The following KIRREL3 variants were observed in gnomAD, a reference collection of about 807,000 sequenced individuals.
The protein encoded by KIRREL3 is kirre like nephrin family adhesion molecule 3, also known as kin of IRRE-like protein 3.
A neutral mutation model predicts 89.7 loss-of-function variants in KIRREL3; 36 were observed. That is an observed-to-expected ratio of 0.40 (90% CI 0.31 to 0.53). The LOEUF (loss-of-function observed/expected upper bound fraction) is 0.53. Ranked by LOEUF, KIRREL3 falls within the 20% of genes least tolerant of loss-of-function variation. KIRREL3 has a pLI of 0.49. For synonymous variants in KIRREL3, 445 were observed against 441.4 expected (o/e 1.01, Z -0.10); for missense variants, 864 against 1,056.6 (o/e 0.82, Z 2.53).
intron 1 of KIRREL3, among the ~76,000 whole-genome samples, chr11:126,787,236 TG>T (rs1950512481): frequency 6.6e-6 from 1 of 152,144 alleles, no homozygotes; most frequent in Admixed American, 6.6e-5. Flanking sequence ...TCTTCCCCTA[TG>T]GCACAAATTT....
At chr11:126,650,062 T>C (rs1449631812) in intron 1 of KIRREL3, among the ~76,000 whole-genome samples, 1 of 152,216 alleles carries the variant, frequency 6.6e-6, no homozygotes, top group Non-Finnish European at 1.5e-5. Flanking sequence ...CATGAAGCCA[T>C]GGCCTGAGCT....
chr11:126,863,395 G>GGGTGTT (rs1944772547), intron 1 of KIRREL3, among the ~76,000 whole-genome samples: 2 of 88,902 alleles, frequency 2.2e-5, no homozygotes, highest in East Asian at 4.3e-4. Context: ...GAGTGCGTGT[G>GGGTGTT]TGAGTGCGTG....
At position 126,703,881 on chromosome 11, in the gene KIRREL3, T is replaced by C. The variant is rs147265788; in HGVS notation, c.56-140969A>G. Among the ~76,000 whole-genome samples, 331 of 152,358 alleles carry C rather than the reference T, an allele frequency of 2.2e-3. No individual in the cohort carries two copies. The highest frequency in any genetic ancestry group is 3.9e-3 in the Non-Finnish European group (263 of 68,030). ...GCCATTAATCTCACTCAAGGGCCAG[T>C]GCTGGCAGCGGTTATGCTGGGGACA... On this transcript the variant is annotated intron_variant, in intron 1 of 16. Transcript: ENST00000525144. This position sits in a 1 kb window ranked among gnomAD's most constrained non-coding sequence, Gnocchi z 4.6.
At position 126,837,642 on chromosome 11, in the gene KIRREL3, C is replaced by T. The variant is rs1943825759; in HGVS notation, c.55+162813G>A. 6.6e-6 allele frequency among the ~76,000 whole-genome samples: 1 copy of T among 152,222 alleles called. No homozygotes were observed. The highest frequency in any genetic ancestry group is 2.4e-5 in the African/African-American group (1 of 41,462). ...GCAACACAGGGAATAATGACTCCAT[C>T]TCCTCTGAACTGAAGCATAGGTAGG... On this transcript the variant is annotated intron_variant, in intron 1 of 16. Coordinates refer to ENST00000525144, the MANE Select transcript of KIRREL3 (RefSeq NM_032531.4). The surrounding 1 kb of genome is among the most constrained non-coding windows in gnomAD (Gnocchi z 4.7).
intron 1 of KIRREL3, among the ~76,000 whole-genome samples, chr11:126,765,596 G>A (rs747006219): frequency 6.6e-6 from 1 of 152,142 alleles, no homozygotes; most frequent in Non-Finnish European, 1.5e-5. Flanking sequence ...ATTTAAGAAA[G>A]CCCCTTTCCT....
rs1954970557 is a variant in KIRREL3 at position 126,427,091 on chromosome 11, A to T, written c.1807-1367T>A. Among the ~76,000 whole-genome samples the T allele has an allele frequency of 6.6e-6, 1 of 152,164 alleles. No individual in the cohort carries two copies. Among genetic ancestry groups the T allele is most frequent in the Admixed American group, 6.5e-5 (1 of 15,278 alleles). ...GATTTGGACTAAGGGATGTGGAGAC[A>T]GTCTGAGGCAAACAGAATGTTTGCC... is the stretch of plus-strand genomic sequence containing the variant. On this transcript the variant is annotated intron_variant, in intron 15 of 16. Coordinates refer to ENST00000525144, the MANE Select transcript of KIRREL3 (RefSeq NM_032531.4). This position sits in a 1 kb window ranked among gnomAD's most constrained non-coding sequence, Gnocchi z 5.3.
In KIRREL3 at chr11:126,723,475, C is replaced by A. The variant is rs914934997; in HGVS notation, c.56-160563G>T. Among the ~76,000 whole-genome samples, 1 of 152,224 alleles carries A rather than the reference C, an allele frequency of 6.6e-6. No individual in the cohort carries two copies. Among genetic ancestry groups the A allele is most frequent in the African/African-American group, 2.4e-5 (1 of 41,454 alleles). ...TCTCCTCAGCCTCCAGACACACATGCTCTGTGGCATCATTAAGCAGCTGGT... is the reference window on the plus strand; with the variant it reads ...TCTCCTCAGCCTCCAGACACACATGATCTGTGGCATCATTAAGCAGCTGGT... On this transcript the variant is annotated intron_variant, in intron 1 of 16. Transcript: ENST00000525144. The surrounding 1 kb of genome is among the most constrained non-coding windows in gnomAD (Gnocchi z 4.0).
rs571414171 is a variant in KIRREL3 at position 126,544,036 on chromosome 11, C to T, written c.134-17349G>A. The T allele has an allele frequency of 1.3e-5, 2 of 152,610 alleles. No homozygotes were observed. The highest frequency in any genetic ancestry group is 1.9e-4 in the East Asian group (1 of 5,186). The allele number at this position is 152,610 out of a possible 1,614,324, so 9.5% of individuals were successfully genotyped here. ...GGCAGCACATGGGCATGTGGCCCCA[C>T]TCCTGTCTGCTCCCCAGGACAACTC... On this transcript the variant is annotated intron_variant, in intron 2 of 16. Coordinates refer to ENST00000525144, the MANE Select transcript of KIRREL3 (RefSeq NM_032531.4). The surrounding 1 kb of genome is among the most constrained non-coding windows in gnomAD (Gnocchi z 5.6).
In KIRREL3 at chr11:126,948,019, C is replaced by T. The variant is rs1948667458; in HGVS notation, c.55+52436G>A. Among the ~76,000 whole-genome samples, 1 of 152,108 alleles carries T rather than the reference C, an allele frequency of 6.6e-6. No individual in the cohort carries two copies. The highest frequency in any genetic ancestry group is 1.5e-5 in the Non-Finnish European group (1 of 68,034). The stretch of plus-strand genomic sequence containing the variant: ...GATATCCCAATTGCTGCTTGGCTAC[C>T]CCAAAACTCCAACGCACCTCATTAT... On this transcript the variant is annotated intron_variant, in intron 1 of 16. Coordinates refer to ENST00000525144, the MANE Select transcript of KIRREL3 (RefSeq NM_032531.4). This position sits in a 1 kb window ranked among gnomAD's most constrained non-coding sequence, Gnocchi z 4.5.
At chr11:126,425,136 A>C in intron 16 of KIRREL3, 113 bp from the exon 17 acceptor site, 1 of 1,015,378 alleles carries the variant, frequency 9.8e-7, no homozygotes, top group South Asian at 1.8e-5. Flanking sequence ...GGAAAACAGG[A>C]GGAAGGGAGC....
At position 126,531,596 on chromosome 11, in the gene KIRREL3, C is replaced by G. The variant is rs1453538858; in HGVS notation, c.134-4909G>C. ...CCACCCAAGGCCCCCCCTAAGCAAC[C>G]CCACCTATCATTGAAGGCCCAGTTC... On this transcript the variant is annotated intron_variant, in intron 2 of 16. Coordinates refer to ENST00000525144, the MANE Select transcript of KIRREL3 (RefSeq NM_032531.4). This position sits in a 1 kb window ranked among gnomAD's most constrained non-coding sequence, Gnocchi z 4.7. Among the ~76,000 whole-genome samples the G allele has an allele frequency of 1.3e-5, 2 of 151,238 alleles. No individual in the cohort carries two copies. Among genetic ancestry groups the G allele is most frequent in the African/African-American group, 4.9e-5 (2 of 41,048 alleles).
chr11:126,829,689 G>A (rs1396020015), intron 1 of KIRREL3, among the ~76,000 whole-genome samples: 1 of 152,212 alleles, frequency 6.6e-6, no homozygotes, highest in Non-Finnish European at 1.5e-5. Flanking sequence ...ACCAAGCATA[G>A]GGACTATAGT....
In KIRREL3 at chr11:126,522,841, C is replaced by G. The variant is rs1030572406; in HGVS notation, c.284-1377G>C. On this transcript the variant is annotated intron_variant, in intron 3 of 16. Transcript: ENST00000525144. The surrounding 1 kb of genome is among the most constrained non-coding windows in gnomAD (Gnocchi z 6.0). Reference sequence around the variant, plus strand: ...TCAGAGGCTGCCCTCGGCTTCCACTCCCCTCTGGCAGCCCCAGGCTGCTCC... The same window carrying G: ...TCAGAGGCTGCCCTCGGCTTCCACTGCCCTCTGGCAGCCCCAGGCTGCTCC... Among the ~76,000 whole-genome samples, 1 of 152,196 alleles carries G rather than the reference C, an allele frequency of 6.6e-6. No individual in the cohort carries two copies. Among genetic ancestry groups the G allele is most frequent in the Non-Finnish European group, 1.5e-5 (1 of 68,046 alleles).
rs903455227 is a variant in KIRREL3 at position 126,918,957 on chromosome 11, A to G, written c.55+81498T>C. On this transcript the variant is annotated intron_variant, in intron 1 of 16. Transcript: ENST00000525144. This position sits in a 1 kb window ranked among gnomAD's most constrained non-coding sequence, Gnocchi z 6.5. ...GTCATATGTTATAACATCATATGTTATAAGATATGTATTGTTACATCATAT... is the reference window on the plus strand; with the variant it reads ...GTCATATGTTATAACATCATATGTTGTAAGATATGTATTGTTACATCATAT... 1.4e-5 allele frequency among the ~76,000 whole-genome samples: 2 copies of G among 146,116 alleles called. No individual in the cohort carries two copies. Among genetic ancestry groups the G allele is most frequent in the African/African-American group, 4.9e-5 (2 of 40,506 alleles).
At chr11:126,968,775 A>G (rs1430717091) in intron 1 of KIRREL3, among the ~76,000 whole-genome samples, 1 of 152,078 alleles carries the variant, frequency 6.6e-6, no homozygotes, top group Non-Finnish European at 1.5e-5. Context: ...GGTATCCACA[A>G]ATCAGGAACT....
rs1052647896 is a variant in KIRREL3, at chr11:126,808,904, C to T, written c.55+191551G>A. Among the ~76,000 whole-genome samples the T allele has an allele frequency of 1.3e-5, 2 of 152,146 alleles. No homozygotes were observed. The highest frequency in any genetic ancestry group is 1.9e-4 in the East Asian group (1 of 5,194). Reference sequence around the variant, plus strand: ...AGCATGAGAAGGCCACTGTCAAGGTCGGGAGGTTCCAGAATGGACTGATTC... The same window carrying T: ...AGCATGAGAAGGCCACTGTCAAGGTTGGGAGGTTCCAGAATGGACTGATTC... On this transcript the variant is annotated intron_variant, in intron 1 of 16. Transcript: ENST00000525144. This position sits in a 1 kb window ranked among gnomAD's most constrained non-coding sequence, Gnocchi z 4.1.
At chr11:126,888,969 G>A (rs772242013) in intron 1 of KIRREL3, among the ~76,000 whole-genome samples, 32 of 152,184 alleles carry the variant, frequency 2.1e-4, no homozygotes, top group Non-Finnish European at 3.7e-4. Context: ...CACAGTCCAC[G>A]GAGATTAAGA....
At chr11:126,604,842 C>A (rs866525095) in intron 1 of KIRREL3, among the ~76,000 whole-genome samples, 1 of 152,342 alleles carries the variant, frequency 6.6e-6, no homozygotes, top group South Asian at 2.1e-4. Context: ...AGAGCTGCAA[C>A]CTGCTAACTT....
At chr11:126,481,051 G>A (rs770012172) in intron 4 of KIRREL3, among the ~76,000 whole-genome samples, 4 of 152,152 alleles carry the variant, frequency 2.6e-5, no homozygotes, top group African/African-American at 9.7e-5. Context: ...TATACGCCAG[G>A]CCCTTTCTAA....
Sources: allele counts gnomAD v4.1 joint callset (sites outside exome capture counted in the v4.1 genomes callset), GRCh38; gene constraint gnomAD v4.1.1; non-coding constraint Gnocchi (gnomAD v3.1); transcripts MANE v1.5; gene names NCBI Gene and HGNC (gene_info 2026-07-23, HGNC 2026-07-21).